The following PALB2 variants were observed in gnomAD, a reference collection of about 807,000 sequenced individuals.
The protein encoded by PALB2 is partner and localizer of BRCA2.
PALB2 carries 82 observed loss-of-function variants against 107.4 expected under a neutral mutation model. The observed-to-expected ratio is 0.76, with a 90% CI of 0.64 to 0.92. PALB2 has a LOEUF of 0.92. Among genes scored for constraint, PALB2 ranks in the 40% least tolerant of loss-of-function variants. The pLI, the probability that PALB2 is intolerant of heterozygous loss-of-function variation, is 0.00. For synonymous variants in PALB2, 489 were observed against 496.8 expected (o/e 0.98, Z 0.21); for missense variants, 1,374 against 1,379.9 (o/e 1.00, Z 0.07).
chr16:23,611,031 T>A, intron 11 of PALB2, among the ~76,000 whole-genome samples: 1 of 151,810 alleles, frequency 6.6e-6, no homozygotes. Flanking sequence ...AGAGCAAGAA[T>A]CTTGTCTCAA....
intron 8 of PALB2, among the ~76,000 whole-genome samples, chr16:23,623,500 C>G (rs1458791750): frequency 7.8e-6 from 1 of 128,022 alleles, no homozygotes; most frequent in Admixed American, 8.1e-5. Context: ...CCATACCCGG[C>G]CTTTTTTTTT....
In PALB2 at chr16:23,629,516, C is replaced by G. The variant is rs1966854928; in HGVS notation, c.2514+124G>C. 4 of 1,024,856 alleles carry G rather than the reference C, an allele frequency of 3.9e-6. No individual in the cohort carries two copies. In the South Asian group the frequency reaches 5.2e-5, roughly 13 times the overall value. The allele number at this position is 1,024,856 out of a possible 1,614,324, so 63.5% of individuals were successfully genotyped here. ...CTTAATGATTACAATGAAATCATAT[C>G]AAAGAAACACGTCAAACCATTCTTA... On this transcript the variant is annotated intron_variant, in intron 5 of 12. Transcript: ENST00000261584.
intron 11 of PALB2, among the ~76,000 whole-genome samples, chr16:23,612,689 G>C (rs936779218): frequency 6.6e-6 from 1 of 151,934 alleles, no homozygotes; most frequent in Admixed American, 6.6e-5. Flanking sequence ...ACCATGCCTG[G>C]CTAATTTTTG....
intron 11 of PALB2, among the ~76,000 whole-genome samples, chr16:23,609,118 G>A (rs1358261780): frequency 1.3e-5 from 2 of 152,086 alleles, no homozygotes; most frequent in Admixed American, 6.6e-5. Context: ...GAGCCACGGC[G>A]TCAGGTCAAA....
chr16:23,608,079 T>TG lies in PALB2; in HGVS notation c.3202-68dup, dbSNP rs1208835334. ...GAGTATGTCAGGAAAAATAAAGATC[T>TG]GGCAGAGACAAAAACCAAACAATTA... On this transcript the variant is annotated intron_variant, in intron 11 of 12. Coordinates refer to ENST00000261584, the MANE Select transcript of PALB2 (RefSeq NM_024675.4). 8 of 1,537,334 alleles carry TG rather than the reference T, an allele frequency of 5.2e-6. No homozygotes were observed. The Admixed American group carries it at 8.6e-5, about 16-fold the overall frequency.
chr16:23,635,834 T>C lies in PALB2; in HGVS notation c.712A>G (p.Arg238Gly), dbSNP rs779278389. ...GTCGCCCTGGTGAAATTAGGTCTTC[T>C]TAGGAATGTATCAACACCTTTTTCT... ...QPEKGVDTFL[R>G]RPNFTRATTV... Residue 238 changes from arginine to glycine, a missense_variant, in exon 4 of 13, where the codon AGA (arginine) becomes GGA (glycine). Physicochemically the swap from Arg to Gly is moderately radical, Grantham distance 125. Transcript: ENST00000261584. The C allele has an allele frequency of 2.5e-6, 4 of 1,614,172 alleles. No homozygotes were observed. The Admixed American group carries it at 6.7e-5, about 27-fold the overall frequency.
intron 3 of PALB2, among the ~76,000 whole-genome samples, chr16:23,637,378 A>G (rs373396110): frequency 3.7e-4 from 57 of 152,154 alleles, no homozygotes; most frequent in African/African-American, 1.2e-3. Context: ...TAGAGACTAT[A>G]GATTTTACGG....
chr16:23,625,273 C>T (rs1966840081), intron 7 of PALB2, among the ~76,000 whole-genome samples: 2 of 151,762 alleles, frequency 1.3e-5, no homozygotes, highest in African/African-American at 2.4e-5. Context: ...GCGGAGATTG[C>T]AGTAAGCCAA....
chr16:23,608,347 G>A (rs1008482995), intron 11 of PALB2, among the ~76,000 whole-genome samples: 2 of 151,962 alleles, frequency 1.3e-5, no homozygotes, highest in South Asian at 2.1e-4. Flanking sequence ...CAGCCACCGC[G>A]CTCAGCCAAC....
intron 10 of PALB2, among the ~76,000 whole-genome samples, chr16:23,620,684 T>G (rs1966756553): frequency 6.6e-6 from 1 of 152,176 alleles, no homozygotes; most frequent in African/African-American, 2.4e-5. Context: ...AGAATTCCAT[T>G]TAGTTTTAAA....
chr16:23,627,730 A>G (rs1449044407), intron 6 of PALB2, among the ~76,000 whole-genome samples: 1 of 152,216 alleles, frequency 6.6e-6, no homozygotes, highest in Non-Finnish European at 1.5e-5. Flanking sequence ...AATAATCAAT[A>G]CAACCAAAAA....
chr16:23,613,599 G>C (rs987556555), intron 11 of PALB2, among the ~76,000 whole-genome samples: 2 of 151,478 alleles, frequency 1.3e-5, no homozygotes, highest in Non-Finnish European at 2.9e-5. Context: ...AGCTGAGATC[G>C]CGCCATTGCA....
intron 11 of PALB2, among the ~76,000 whole-genome samples, chr16:23,610,881 C>G (rs1313869298): frequency 2.0e-5 from 3 of 151,362 alleles, no homozygotes; most frequent in Non-Finnish European, 2.9e-5. Context: ...ACTAAAGATA[C>G]AAAAAAATTA....
chr16:23,631,173 C>T (rs1224609727), intron 4 of PALB2, among the ~76,000 whole-genome samples: 8 of 145,180 alleles, frequency 5.5e-5, no homozygotes, highest in East Asian at 4.2e-4. Context: ...CCAGCTACTC[C>T]GGAGGCTGAG....
intron 4 of PALB2, among the ~76,000 whole-genome samples, chr16:23,633,250 C>T (rs1597093801): frequency 1.3e-5 from 2 of 152,190 alleles, no homozygotes; most frequent in Admixed American, 6.5e-5. Context: ...AGACCAAGTC[C>T]ATGTCCAATG....
At position 23,635,362 on chromosome 16, in the gene PALB2, G is replaced by C. The variant is rs764796329; in HGVS notation, c.1184C>G (p.Ser395Cys). The C allele has an allele frequency of 1.2e-6, 2 of 1,613,954 alleles. No homozygotes were observed. The highest frequency in any genetic ancestry group is 1.1e-5 in the South Asian group (1 of 91,078). ...CAGAAGGCCTTCAGGCACTGTGCAA[G>C]AATGTTTTTCTGCAGAAAGAGGAGA... ...ATSPLSAEKH[S>C]CTVPEGLLFP... Residue 395 changes from serine to cysteine, a missense_variant, in exon 4 of 13, where the codon TCT becomes TGT. Ser to Cys is a moderately radical substitution (Grantham distance 112). Coordinates refer to ENST00000261584, the MANE Select transcript of PALB2 (RefSeq NM_024675.4).
At chr16:23,610,036 C>A (rs191092636) in intron 11 of PALB2, among the ~76,000 whole-genome samples, 21 of 152,268 alleles carry the variant, frequency 1.4e-4, no homozygotes, top group African/African-American at 4.6e-4. Flanking sequence ...TTTGAAATGG[C>A]TGAAAAACAT....
At chr16:23,613,387 T>C (rs1361074504) in intron 11 of PALB2, among the ~76,000 whole-genome samples, 1 of 152,122 alleles carries the variant, frequency 6.6e-6, no homozygotes, top group East Asian at 1.9e-4. Flanking sequence ...CTCACATCTG[T>C]AATACCAGCA....
chr16:23,603,647 C>G lies in PALB2; in HGVS notation c.3373G>C (p.Asp1125His), dbSNP rs146444298. Residue 1125 changes from aspartate (D) to histidine (H), a missense_variant, in exon 13 of 13, where the codon GAT becomes CAT. Physicochemically the swap from Asp to His is moderately conservative, Grantham distance 81. Coordinates refer to ENST00000261584, the MANE Select transcript of PALB2 (RefSeq NM_024675.4). ...AGRFLEGDVK[D>H]HCAAAILTSG... ...GTCAAGATTGCTGCTGCACAGTGATCTTTCACGTCACCTTCCAGGAACCTG... is the reference window on the plus strand; with the variant it reads ...GTCAAGATTGCTGCTGCACAGTGATGTTTCACGTCACCTTCCAGGAACCTG... 3 of 1,613,718 alleles carry G rather than the reference C, an allele frequency of 1.9e-6. No homozygotes were observed. Among genetic ancestry groups the G allele is most frequent in the Middle Eastern group, 1.7e-4 (1 of 6,058 alleles).
Sources: allele counts gnomAD v4.1 joint callset (sites outside exome capture counted in the v4.1 genomes callset), GRCh38; gene constraint gnomAD v4.1.1; transcripts MANE v1.5; gene names NCBI Gene and HGNC (gene_info 2026-07-23, HGNC 2026-07-21).